Variants in TNFAIP8L3 observed in about 807,000 individuals in gnomAD.
TNFAIP8L3 encodes tumor necrosis factor alpha-induced protein 8-like protein 3.
A neutral mutation model predicts 11.8 loss-of-function variants in TNFAIP8L3; 7 were observed. That is an observed-to-expected ratio of 0.59 (90% CI 0.34 to 1.11). The LOEUF is 1.11. TNFAIP8L3 is among the 50% of genes most tolerant of loss of function. The pLI, the probability that TNFAIP8L3 is intolerant of heterozygous loss-of-function variation, is 0.03. For missense variants in TNFAIP8L3, 219 were observed against 258.6 expected, an observed-to-expected ratio of 0.85 and a Z score of 1.05; for synonymous variants, 98 against 103.8, an observed-to-expected ratio of 0.94 and a Z score of 0.34.
rs371399595 is a variant in TNFAIP8L3, at chr15:51,094,886, C to G, written c.-291G>C. On this transcript the variant is annotated 5_prime_UTR_variant, in exon 1 of 2. Transcript: ENST00000637513. The surrounding 1 kb of genome is among the most constrained non-coding windows in gnomAD (Gnocchi z 4.4). ...GAGGAGGGAGGGGAGGCGCGAGCGC[C>G]GAGGAGCCCGAGCGTCCGGCGCCCG... Among the ~76,000 whole-genome samples the G allele has an allele frequency of 6.6e-6, 1 of 151,128 alleles. No individual in the cohort carries two copies. The highest frequency in any genetic ancestry group is 1.5e-5 in the Non-Finnish European group (1 of 67,738).
At chr15:51,095,948 C>A (rs1443048853), upstream of TNFAIP8L3, among the ~76,000 whole-genome samples, 1 of 152,206 alleles carries the variant, frequency 6.6e-6, no homozygotes, top group African/African-American at 2.4e-5. Context: ...CTAATCTGTA[C>A]AATGACCCAG....
At chr15:51,099,473 A>AGAAGAAAACTCTATG (rs1379253207), upstream of TNFAIP8L3, among the ~76,000 whole-genome samples, 1 of 152,086 alleles carries the variant, frequency 6.6e-6, no homozygotes, top group East Asian at 1.9e-4. Context: ...AGAGAGAGAG[A>AGAAGAAAACTCTATG]GAAGAAAACT....
In TNFAIP8L3 at chr15:51,078,518, G is replaced by C. The variant is rs570965629; in HGVS notation, c.52+16026C>G. On this transcript the variant is annotated intron_variant, in intron 1 of 1. Coordinates refer to ENST00000637513, the MANE Select transcript of TNFAIP8L3 (RefSeq NM_001311175.2). Reference sequence around the variant, plus strand: ...ATGCTTCATGTCTGGGTGTCCTCCTGAGCTCACTCAGGGTCCTCTTCTCTC... The same window carrying C: ...ATGCTTCATGTCTGGGTGTCCTCCTCAGCTCACTCAGGGTCCTCTTCTCTC... Among the ~76,000 whole-genome samples the C allele has an allele frequency of 2.6e-5, 4 of 151,992 alleles. No individual in the cohort carries two copies. In the South Asian group the frequency reaches 6.3e-4, roughly 24 times the overall value.
intron 1 of TNFAIP8L3, among the ~76,000 whole-genome samples, chr15:51,084,791 G>C (rs1043243458): frequency 6.6e-6 from 1 of 152,226 alleles, no homozygotes; most frequent in African/African-American, 2.4e-5. Flanking sequence ...GACTGGGCTA[G>C]AGTACAACTT....
intron 1 of TNFAIP8L3, among the ~76,000 whole-genome samples, chr15:51,076,321 C>A (rs937529360): frequency 2.0e-5 from 3 of 152,120 alleles, no homozygotes; most frequent in Non-Finnish European, 4.4e-5. Context: ...TCTGCTGGGA[C>A]CGCTACTGTG....
intron 1 of TNFAIP8L3, among the ~76,000 whole-genome samples, chr15:51,090,246 CTG>C (rs2065458315): frequency 6.6e-6 from 1 of 152,186 alleles, no homozygotes; most frequent in Admixed American, 6.5e-5. Flanking sequence ...TTTGTACAAT[CTG>C]TCACCAACTT....
upstream of TNFAIP8L3, among the ~76,000 whole-genome samples, chr15:51,095,238 G>GGGGAGCGGGGAATAAGGGAA (rs869195737): frequency 8.4e-5 from 8 of 94,952 alleles, 1 homozygote; most frequent in South Asian, 2.9e-4. Flanking sequence ...AATAAGGGAA[G>GGGGAGCGGGGAATAAGGGAA]GGGAGCGGGG....
intron 1 of TNFAIP8L3, among the ~76,000 whole-genome samples, chr15:51,072,210 G>T (rs533500821): frequency 2.6e-5 from 4 of 151,960 alleles, no homozygotes; most frequent in Non-Finnish European, 4.4e-5. Flanking sequence ...GCACGATCTC[G>T]GCTCACCGCA....
chr15:51,058,458 AT>A lies in TNFAIP8L3; in HGVS notation c.53-16del, dbSNP rs76241791. ...AACATCAGGACCTATGGTAAAAAAAATATATATAAAAGTTTTAGAAATATAA... is the reference window on the plus strand; with the variant it reads ...AACATCAGGACCTATGGTAAAAAAAAATATATAAAAGTTTTAGAAATATAA... On this transcript the variant is annotated splice_polypyrimidine_tract_variant and intron_variant, in intron 1 of 1. Transcript: ENST00000637513. The A allele has an allele frequency of 0.99, 1,386,800 of 1,402,040 alleles. 685,820 individuals are homozygous for A. Among genetic ancestry groups the A allele is most frequent in the East Asian group, 0.99 (39,956 of 40,302 alleles). The allele number at this position is 1,402,040 out of a possible 1,614,324, so 86.8% of individuals were successfully genotyped here.
intron 1 of TNFAIP8L3, among the ~76,000 whole-genome samples, chr15:51,103,977 ACGTGCTCTCCTC>A (rs1220715320): frequency 6.6e-6 from 1 of 152,162 alleles, no homozygotes; most frequent in Non-Finnish European, 1.5e-5. Flanking sequence ...TCACTTCCCA[ACGTGCTCTCCTC>A]CGCTAGTGCA....
chr15:51,082,701 T>C (rs1266350953), intron 1 of TNFAIP8L3, among the ~76,000 whole-genome samples: 2 of 152,190 alleles, frequency 1.3e-5, no homozygotes, highest in African/African-American at 4.8e-5. Context: ...TTTTCCTTTA[T>C]ATCTTTATTC....
In TNFAIP8L3 at chr15:51,057,635, G is replaced by T. The variant is rs532565732; in HGVS notation, c.*246C>A. Reference sequence around the variant, plus strand: ...CTGTAATGAACAAAACAGCCTTTCTGCTTAGAATAGATGAAATGTCCTTTG... The same window carrying T: ...CTGTAATGAACAAAACAGCCTTTCTTCTTAGAATAGATGAAATGTCCTTTG... On this transcript the variant is annotated 3_prime_UTR_variant, in exon 2 of 2. Transcript: ENST00000637513. 3 of 443,088 alleles carry T rather than the reference G, an allele frequency of 6.8e-6. No homozygotes were observed. Among genetic ancestry groups the T allele is most frequent in the South Asian group, 7.3e-5 (2 of 27,352 alleles). The allele number at this position is 443,088 out of a possible 1,614,324, so 27.4% of individuals were successfully genotyped here.
intron 1 of TNFAIP8L3, among the ~76,000 whole-genome samples, chr15:51,101,753 T>C (rs1396055367): frequency 6.6e-6 from 1 of 151,622 alleles, no homozygotes; most frequent in Non-Finnish European, 1.5e-5. Flanking sequence ...GAGACCATCC[T>C]GGCTAACACA....
intron 1 of TNFAIP8L3, among the ~76,000 whole-genome samples, chr15:51,061,644 T>C (rs1244874365): frequency 6.6e-6 from 1 of 152,190 alleles, no homozygotes; most frequent in East Asian, 1.9e-4. Flanking sequence ...CTTGAAAATA[T>C]TTATCAATCC....
chr15:51,103,347 C>T (rs968781060), intron 1 of TNFAIP8L3, among the ~76,000 whole-genome samples: 1 of 152,222 alleles, frequency 6.6e-6, no homozygotes, highest in Non-Finnish European at 1.5e-5. Flanking sequence ...CTTAACACCT[C>T]AAACATTATT....
intron 1 of TNFAIP8L3, among the ~76,000 whole-genome samples, chr15:51,093,451 C>T (rs1286215201): frequency 6.6e-6 from 1 of 152,216 alleles, no homozygotes; most frequent in Non-Finnish European, 1.5e-5. Flanking sequence ...TAATAATATA[C>T]GCAGGGCACT....
chr15:51,095,050 G>T (rs1227370866), upstream of TNFAIP8L3, among the ~76,000 whole-genome samples: 1 of 152,098 alleles, frequency 6.6e-6, no homozygotes, highest in Non-Finnish European at 1.5e-5. Flanking sequence ...CCTAGGGTGA[G>T]GCCAAGTTTG....
chr15:51,059,710 C>T (rs897566146), intron 1 of TNFAIP8L3, among the ~76,000 whole-genome samples: 3 of 152,248 alleles, frequency 2.0e-5, no homozygotes, highest in African/African-American at 7.2e-5. Context: ...ACAGTGTACA[C>T]CAAACTGATA....
chr15:51,058,135 T>C lies in TNFAIP8L3; in HGVS notation c.361A>G (p.Ser121Gly), dbSNP rs375681571. The C allele has an allele frequency of 6.2e-7, 1 of 1,614,132 alleles. No individual in the cohort carries two copies. The highest frequency in any genetic ancestry group is 1.3e-5 in the African/African-American group (1 of 74,938). ...AAGGTGTATTCCACCTCATAGAAGC[T>C]GACAATGGTCATGGCGGTCTGGTTC... Reference protein sequence around the residue: ...KLNQTAMTIVSFYEVEYTFDR... With the variant: ...KLNQTAMTIVGFYEVEYTFDR... The change falls in exon 2 of 2, where the codon AGC becomes GGC. Residue 121 changes from serine to glycine, a missense_variant. By Grantham distance (56) the Ser-to-Gly change is moderately conservative. Coordinates refer to ENST00000637513, the MANE Select transcript of TNFAIP8L3 (RefSeq NM_001311175.2).
Sources: allele counts gnomAD v4.1 joint callset (sites outside exome capture counted in the v4.1 genomes callset), GRCh38; gene constraint gnomAD v4.1.1; non-coding constraint Gnocchi (gnomAD v3.1); transcripts MANE v1.5; gene names NCBI Gene and HGNC (gene_info 2026-07-23, HGNC 2026-07-21).